PPP6R3: variants seen among roughly 807,000 people sequenced by gnomAD.
PPP6R3 encodes the protein protein phosphatase 6 regulatory subunit 3, also known as serine/threonine-protein phosphatase 6 regulatory subunit 3.
In PPP6R3, 38 loss-of-function variants were observed where a neutral mutation model predicts 110.7. The ratio of observed to expected loss-of-function variants is 0.34; its 90% CI spans 0.26 to 0.45. PPP6R3 has a LOEUF of 0.45. Ranked by LOEUF, PPP6R3 falls within the 20% of genes least tolerant of loss-of-function variation. The pLI is 1.00. For synonymous variants in PPP6R3, 369 were observed against 373.5 expected, an observed-to-expected ratio of 0.99 and a Z score of 0.14; for missense variants, 870 against 1,062.4, an observed-to-expected ratio of 0.82 and a Z score of 2.52.
intron 1 of PPP6R3, among the ~76,000 whole-genome samples, chr11:68,519,178 T>G (rs1404448447): frequency 6.6e-6 from 1 of 152,212 alleles, no homozygotes; most frequent in African/African-American, 2.4e-5. Flanking sequence ...GACCCTATGT[T>G]GGATAAGAAT....
chr11:68,608,781 T>TTAGCGAC (rs1941783018), intron 22 of PPP6R3, among the ~76,000 whole-genome samples: 1 of 152,216 alleles, frequency 6.6e-6, no homozygotes, highest in Non-Finnish European at 1.5e-5. Context: ...TCCATCCCAG[T>TTAGCGAC]TAGCGACTCA....
chr11:68,462,682 C>T (rs188047530), intron 1 of PPP6R3, among the ~76,000 whole-genome samples: 1 of 152,310 alleles, frequency 6.6e-6, no homozygotes, highest in Admixed American at 6.5e-5. Context: ...GTCAGGGAGT[C>T]TAGAACATTG....
chr11:68,538,371 A>G (rs973900913), intron 3 of PPP6R3, among the ~76,000 whole-genome samples: 7 of 152,214 alleles, frequency 4.6e-5, no homozygotes, highest in African/African-American at 1.7e-4. Flanking sequence ...TCTGCTTACA[A>G]AGAGAACGAC....
chr11:68,596,768 T>A (rs2099614936), intron 19 of PPP6R3, among the ~76,000 whole-genome samples: 1 of 152,190 alleles, frequency 6.6e-6, no homozygotes, highest in Admixed American at 6.5e-5. Context: ...CAAAAACTTC[T>A]AAAGGTTTGG....
intron 1 of PPP6R3, among the ~76,000 whole-genome samples, chr11:68,492,135 A>T (rs2098988023): frequency 6.6e-6 from 1 of 152,172 alleles, no homozygotes; most frequent in Non-Finnish European, 1.5e-5. Flanking sequence ...CTCATGTTGT[A>T]GGATGTGTCC....
chr11:68,594,405 C>G (rs566264469), intron 18 of PPP6R3, among the ~76,000 whole-genome samples: 2 of 151,340 alleles, frequency 1.3e-5, no homozygotes, highest in African/African-American at 4.8e-5. Flanking sequence ...GCCTACAATC[C>G]CAGCACTTTG....
At chr11:68,476,520 T>C (rs1045364145) in intron 1 of PPP6R3, among the ~76,000 whole-genome samples, 2 of 152,166 alleles carry the variant, frequency 1.3e-5, no homozygotes, top group African/African-American at 4.8e-5. Context: ...GTTTAGGTCA[T>C]TAATTTTCAA....
intron 1 of PPP6R3, among the ~76,000 whole-genome samples, chr11:68,507,526 G>A (rs770753746): frequency 6.6e-6 from 1 of 151,984 alleles, no homozygotes; most frequent in Admixed American, 6.6e-5. Flanking sequence ...TTAAATTTAC[G>A]GTGTGCTAGG....
chr11:68,614,096 A>C lies in PPP6R3; in HGVS notation c.*979A>C. ...TCAGTTGAAAATGCTCGTGCTGCTA[A>C]TGGAATTAGAGTGCGTTCATTTTAC... On this transcript the variant is annotated 3_prime_UTR_variant, in exon 24 of 24. Transcript: ENST00000393800. The C allele has an allele frequency of 4.1e-6, 4 of 986,014 alleles. No individual in the cohort carries two copies. The highest frequency in any genetic ancestry group is 4.8e-6 in the Non-Finnish European group (4 of 830,058). 61.1% of individuals were successfully genotyped at this position (986,014 alleles called of 1,614,324 possible). A position where few individuals can be genotyped will look rare whatever the true frequency, so the allele number is the denominator to read the frequency against.
In PPP6R3 at chr11:68,614,059, C is replaced by G. The variant is rs771929509; in HGVS notation, c.*942C>G. 9.7e-5 allele frequency: 96 copies of G among 985,522 alleles called. No homozygotes were observed. The highest frequency in any genetic ancestry group is 1.1e-4 in the Non-Finnish European group (94 of 829,904). 61.0% of individuals were successfully genotyped at this position (985,522 alleles called of 1,614,324 possible). A position where few individuals can be genotyped will look rare whatever the true frequency, so the allele number is the denominator to read the frequency against. On this transcript the variant is annotated 3_prime_UTR_variant, in exon 24 of 24. Coordinates refer to ENST00000393800, the MANE Select transcript of PPP6R3 (RefSeq NM_001164161.2). ...ATATTTAACAGACCTAAAATAAATC[C>G]TATTAGGCAAGTCAGTTGAAAATGC...
intron 2 of PPP6R3, among the ~76,000 whole-genome samples, chr11:68,520,814 C>T (rs1469600930): frequency 6.6e-6 from 1 of 152,140 alleles, no homozygotes; most frequent in East Asian, 1.9e-4. Context: ...CTCTGTTGCC[C>T]AGGCCAGAGT....
At chr11:68,583,709 A>G (rs562794605) in intron 15 of PPP6R3, among the ~76,000 whole-genome samples, 3 of 152,234 alleles carry the variant, frequency 2.0e-5, no homozygotes, top group South Asian at 2.1e-4. Context: ...TTTATCATCC[A>G]TTGTTAGTTC....
chr11:68,495,003 G>T (rs1374863096), intron 1 of PPP6R3, among the ~76,000 whole-genome samples: 1 of 152,168 alleles, frequency 6.6e-6, no homozygotes, highest in Non-Finnish European at 1.5e-5. Context: ...TTTAAGAACT[G>T]CCTGGCACAT....
chr11:68,561,707 A>G lies in PPP6R3; in HGVS notation c.846-2596A>G, dbSNP rs56331220. ...TTGTTAAATTCCTTTATGATAAAAC[A>G]TCTCAGCAGATTAGTATTAGAAGGG... On this transcript the variant is annotated intron_variant, in intron 8 of 23. Transcript: ENST00000393800. Among the ~76,000 whole-genome samples, 1,198 of 152,350 alleles carry G rather than the reference A, an allele frequency of 7.9e-3. 15 individuals carry two copies. Among genetic ancestry groups the G allele is most frequent in the African/African-American group, 0.028 (1,152 of 41,576 alleles).
chr11:68,575,149 T>C (rs147220932), intron 13 of PPP6R3, among the ~76,000 whole-genome samples: 3 of 152,330 alleles, frequency 2.0e-5, no homozygotes, highest in Non-Finnish European at 4.4e-5. Context: ...TAAGAAGAAA[T>C]GGCCATGTGA....
At chr11:68,463,021 T>C (rs2098719360) in intron 1 of PPP6R3, among the ~76,000 whole-genome samples, 1 of 152,146 alleles carries the variant, frequency 6.6e-6, no homozygotes, top group African/African-American at 2.4e-5. Context: ...AATCAGACCA[T>C]AGCTGAGCAG....
chr11:68,606,177 TAGAC>T (rs1426541200), intron 22 of PPP6R3, among the ~76,000 whole-genome samples: 5 of 152,216 alleles, frequency 3.3e-5, no homozygotes, highest in African/African-American at 9.7e-5. Flanking sequence ...TATATGGTGT[TAGAC>T]AGAAAGTCAG....
intron 1 of PPP6R3, among the ~76,000 whole-genome samples, chr11:68,469,607 G>A (rs921932950): frequency 2.6e-5 from 4 of 151,458 alleles, no homozygotes; most frequent in Non-Finnish European, 5.9e-5. Context: ...TTGAACTCCT[G>A]GGCTCAAGCA....
chr11:68,578,373 T>C (rs1022750708), intron 14 of PPP6R3, among the ~76,000 whole-genome samples: 1 of 152,248 alleles, frequency 6.6e-6, no homozygotes, highest in African/African-American at 2.4e-5. Context: ...ACACTTGCCT[T>C]CTTAACATGC....
Sources: gnomAD v4.1 joint callset for allele counts (sites outside exome capture counted in the v4.1 genomes callset) on GRCh38, gnomAD v4.1.1 for gene constraint, MANE v1.5 for transcripts, NCBI Gene and HGNC (gene_info 2026-07-23, HGNC 2026-07-21) for gene names.